CYTH3: variants seen among roughly 807,000 people sequenced by gnomAD.
CYTH3 encodes cytohesin 3.
In CYTH3, 23 loss-of-function variants were observed where a neutral mutation model predicts 55.1. The ratio of observed to expected loss-of-function variants is 0.42; its 90% CI spans 0.30 to 0.59. The LOEUF is 0.59. Ranked by LOEUF, CYTH3 falls within the 20% of genes least tolerant of loss-of-function variation. The pLI, the probability that CYTH3 is intolerant of heterozygous loss-of-function variation, is 0.20. For synonymous variants in CYTH3, 249 were observed against 194.9 expected, an observed-to-expected ratio of 1.28 and a Z score of -2.31; for missense variants, 413 against 524.8, an observed-to-expected ratio of 0.79 and a Z score of 2.08.
chr7:6,175,537 A>G (rs1413047384), intron 5 of CYTH3, among the ~76,000 whole-genome samples: 2 of 131,924 alleles, frequency 1.5e-5, no homozygotes, highest in South Asian at 4.9e-4. Flanking sequence ...TTGACTATAC[A>G]CTTTAGTCTT....
intron 1 of CYTH3, among the ~76,000 whole-genome samples, chr7:6,259,787 A>ATATATATATAT (rs1780269607): frequency 4.0e-4 from 6 of 15,114 alleles, no homozygotes; most frequent in South Asian, 2.2e-3. Flanking sequence ...TATATATAAT[A>ATATATATATAT]TATATATATA....
At chr7:6,228,057 G>A (rs2128552986) in intron 1 of CYTH3, among the ~76,000 whole-genome samples, 1 of 152,332 alleles carries the variant, frequency 6.6e-6, no homozygotes, top group Middle Eastern at 3.4e-3. Context: ...ATGTGGAAAT[G>A]TGAAGCTTTC....
At chr7:6,203,036 C>A (rs1177210967) in intron 1 of CYTH3, among the ~76,000 whole-genome samples, 1 of 152,058 alleles carries the variant, frequency 6.6e-6, no homozygotes, top group Non-Finnish European at 1.5e-5. Context: ...GGCAAAAAAA[C>A]TTTAAGAAAA....
intron 5 of CYTH3, among the ~76,000 whole-genome samples, chr7:6,175,767 A>G (rs1481357041): frequency 2.0e-5 from 3 of 151,910 alleles, no homozygotes; most frequent in Non-Finnish European, 4.4e-5. Flanking sequence ...GGCTGGTCTT[A>G]AACTCCTGAC....
chr7:6,237,425 T>C (rs1193913240), intron 1 of CYTH3, among the ~76,000 whole-genome samples: 1 of 152,050 alleles, frequency 6.6e-6, no homozygotes, highest in Non-Finnish European at 1.5e-5. Flanking sequence ...TAAAAACACA[T>C]GCAGCCCGGT....
chr7:6,182,637 G>A (rs1249453944), intron 4 of CYTH3, among the ~76,000 whole-genome samples: 2 of 152,144 alleles, frequency 1.3e-5, no homozygotes, highest in African/African-American at 2.4e-5. Flanking sequence ...CTCTCAAGTA[G>A]CTGGGACTAC....
At chr7:6,269,511 A>G (rs1780595519) in intron 1 of CYTH3, among the ~76,000 whole-genome samples, 2 of 152,322 alleles carry the variant, frequency 1.3e-5, no homozygotes, top group South Asian at 2.1e-4. Flanking sequence ...TGGTCCATTC[A>G]GGACCATCAA....
Position 6,177,934 on chromosome 7 carries a change from T to C in CYTH3, c.257A>G (p.Gln86Arg). Residue 86 changes from glutamine (Q) to arginine (R), a missense_variant, in exon 5 of 13, where the codon CAG (glutamine) becomes CGG (arginine). Gln to Arg is a conservative substitution (Grantham distance 43). Transcript: ENST00000350796. The part of the protein sequence containing the change: ...KFNMDPKKGI[Q>R]FLIENDLLQS... ...TAGCAGGTCATTTTCTATTAGAAACTGAATTCCCTGAAGAACATTAAAATG... is the reference window on the plus strand; with the variant it reads ...TAGCAGGTCATTTTCTATTAGAAACCGAATTCCCTGAAGAACATTAAAATG... 1 of 1,611,406 alleles carries C rather than the reference T, an allele frequency of 6.2e-7. No individual in the cohort carries two copies. Among genetic ancestry groups the C allele is most frequent in the Non-Finnish European group, 8.5e-7 (1 of 1,177,536 alleles).
intron 4 of CYTH3, among the ~76,000 whole-genome samples, chr7:6,179,867 C>CA (rs1400769754): frequency 2.1e-5 from 3 of 142,212 alleles, no homozygotes; most frequent in African/African-American, 8.0e-5. Flanking sequence ...ACCACACACA[C>CA]CCACACACAC....
intron 1 of CYTH3, among the ~76,000 whole-genome samples, chr7:6,210,870 T>C (rs1462926265): frequency 1.3e-5 from 2 of 152,180 alleles, no homozygotes; most frequent in African/African-American, 4.8e-5. Context: ...TTAAAATGCT[T>C]CAAACAGCAC....
intron 1 of CYTH3, among the ~76,000 whole-genome samples, chr7:6,191,412 A>G (rs1444531057): frequency 6.6e-6 from 1 of 152,218 alleles, no homozygotes; most frequent in Non-Finnish European, 1.5e-5. Context: ...TCTTCAATAA[A>G]TATGTGTGAA....
intron 1 of CYTH3, among the ~76,000 whole-genome samples, chr7:6,224,757 G>C (rs1413772284): frequency 3.3e-5 from 5 of 152,156 alleles, no homozygotes; most frequent in Admixed American, 2.0e-4. Flanking sequence ...ATGTGTACAC[G>C]AATGTTCATA....
At chr7:6,223,712 C>T (rs1779153427) in intron 1 of CYTH3, among the ~76,000 whole-genome samples, 1 of 151,906 alleles carries the variant, frequency 6.6e-6, no homozygotes, top group Non-Finnish European at 1.5e-5. Context: ...CCGAAGGGAC[C>T]TCTGCCTAGG....
At chr7:6,256,678 G>A (rs983263322) in intron 1 of CYTH3, among the ~76,000 whole-genome samples, 1 of 152,316 alleles carries the variant, frequency 6.6e-6, no homozygotes, top group African/African-American at 2.4e-5. Flanking sequence ...ACTAACAGCA[G>A]CAGAACCCAG....
intron 1 of CYTH3, among the ~76,000 whole-genome samples, chr7:6,217,184 G>C (rs1400111240): frequency 2.0e-5 from 3 of 152,152 alleles, no homozygotes; most frequent in Admixed American, 6.5e-5. Context: ...AAAGTGCCAA[G>C]ATTACGGGCA....
intron 4 of CYTH3, 62 bp downstream of exon 4, chr7:6,186,988 A>G: frequency 6.5e-7 from 1 of 1,536,008 alleles, no homozygotes; most frequent in East Asian, 2.2e-5. Flanking sequence ...CAAAAGGGAA[A>G]CGGCAGTTCA....
chr7:6,183,391 T>C lies in CYTH3; in HGVS notation c.249+3659A>G, dbSNP rs1011687680. ...CCCCTGCTTGTCATATAGATTTATATATTTTATTTAAGGCATTTCTAGGAA... is the reference window on the plus strand; with the variant it reads ...CCCCTGCTTGTCATATAGATTTATACATTTTATTTAAGGCATTTCTAGGAA... On this transcript the variant is annotated intron_variant, in intron 4 of 12. Coordinates refer to ENST00000350796, the MANE Select transcript of CYTH3 (RefSeq NM_004227.4). Among the ~76,000 whole-genome samples the C allele has an allele frequency of 2.0e-5, 3 of 152,250 alleles. No homozygotes were observed. The South Asian group carries it at 6.2e-4, about 31-fold the overall frequency.
intron 1 of CYTH3, among the ~76,000 whole-genome samples, chr7:6,258,987 G>A (rs917616564): frequency 6.6e-6 from 1 of 152,082 alleles, no homozygotes; most frequent in Non-Finnish European, 1.5e-5. Flanking sequence ...AACCAAATAG[G>A]TCAACCCATT....
intron 6 of CYTH3, among the ~76,000 whole-genome samples, chr7:6,172,557 T>C (rs2128538115): frequency 6.6e-6 from 1 of 152,288 alleles, no homozygotes; most frequent in East Asian, 1.9e-4. Context: ...CCACAGGACC[T>C]GCCTGTATTC....
Sources: allele counts gnomAD v4.1 joint callset (sites outside exome capture counted in the v4.1 genomes callset), GRCh38; gene constraint gnomAD v4.1.1; transcripts MANE v1.5; gene names NCBI Gene and HGNC (gene_info 2026-07-23, HGNC 2026-07-21).